PTPRG: variants seen among roughly 807,000 people sequenced by gnomAD.
The protein encoded by PTPRG is receptor-type tyrosine-protein phosphatase gamma.
In PTPRG, 102 loss-of-function variants were observed where a neutral mutation model predicts 165.3. The ratio of observed to expected loss-of-function variants is 0.62; its 90% confidence interval spans 0.53 to 0.73. The LOEUF (loss-of-function observed/expected upper bound fraction) is 0.73. Ranked by LOEUF, PTPRG falls within the 30% of genes least tolerant of loss-of-function variation. PTPRG has a pLI of 0.00. For missense variants in PTPRG, 1,866 were observed against 1,861.4 expected (o/e 1.00, Z -0.05); for synonymous variants, 675 against 669.5 (o/e 1.01, Z -0.13).
At chr3:61,596,396 T>C (rs550060787) in intron 1 of PTPRG, among the ~76,000 whole-genome samples, 1 of 152,226 alleles carries the variant, frequency 6.6e-6, no homozygotes, top group Non-Finnish European at 1.5e-5. Context: ...AAAACAGATT[T>C]CACTAGTGGT....
chr3:61,907,133 T>C (rs2038676482), intron 2 of PTPRG, among the ~76,000 whole-genome samples: 1 of 151,846 alleles, frequency 6.6e-6, no homozygotes. Context: ...CTTCCCCAAC[T>C]TCCCCCACCC....
chr3:61,857,100 T>A (rs1032178952), intron 2 of PTPRG, among the ~76,000 whole-genome samples: 1 of 152,134 alleles, frequency 6.6e-6, no homozygotes, highest in Non-Finnish European at 1.5e-5. Context: ...TTTTTTTTTT[T>A]ACCCCCTCTC....
intron 2 of PTPRG, among the ~76,000 whole-genome samples, chr3:61,784,945 C>T (rs927919916): frequency 6.6e-6 from 1 of 152,110 alleles, no homozygotes; most frequent in Non-Finnish European, 1.5e-5. Flanking sequence ...GATAACTCAG[C>T]TAATGAAATA....
chr3:61,749,660 T>A (rs2033354838), intron 2 of PTPRG: 1 of 154,368 alleles, frequency 6.5e-6, no homozygotes, highest in South Asian at 2.0e-4. Context: ...TCCCAAAATA[T>A]GAGAGGTGGA....
intron 25 of PTPRG, among the ~76,000 whole-genome samples, chr3:62,277,288 A>G (rs1702261620): frequency 6.6e-6 from 1 of 152,154 alleles, no homozygotes; most frequent in African/African-American, 2.4e-5. Flanking sequence ...AATTTCACAC[A>G]TCTAGTCTTT....
chr3:61,875,831 T>C (rs2037725029), intron 2 of PTPRG, among the ~76,000 whole-genome samples: 1 of 152,134 alleles, frequency 6.6e-6, no homozygotes, highest in African/African-American at 2.4e-5. Context: ...GGAATGAAGA[T>C]GAGGTATAGG....
chr3:62,250,119 TGA>T (rs1257560292), intron 15 of PTPRG, among the ~76,000 whole-genome samples: 1 of 152,206 alleles, frequency 6.6e-6, no homozygotes, highest in African/African-American at 2.4e-5. Flanking sequence ...TAACACTCTA[TGA>T]ATTATGAAAT....
chr3:61,813,878 A>G (rs1015740434), intron 2 of PTPRG, among the ~76,000 whole-genome samples: 1 of 145,480 alleles, frequency 6.9e-6, no homozygotes, highest in African/African-American at 2.6e-5. Context: ...CAGACATCTT[A>G]TGAGATACTG....
intron 2 of PTPRG, among the ~76,000 whole-genome samples, chr3:61,898,823 G>A (rs2038427673): frequency 6.6e-6 from 1 of 152,198 alleles, no homozygotes; most frequent in Admixed American, 6.5e-5. Flanking sequence ...TGATTCTGGG[G>A]TAAGATTAAT....
At chr3:61,952,239 A>AC (rs1450950476) in intron 2 of PTPRG, among the ~76,000 whole-genome samples, 10 of 151,832 alleles carry the variant, frequency 6.6e-5, no homozygotes, top group African/African-American at 2.4e-4. Flanking sequence ...GACTGTTAGG[A>AC]CCACTTTAGT....
intron 2 of PTPRG, among the ~76,000 whole-genome samples, chr3:61,972,188 C>T (rs1221727509): frequency 6.6e-6 from 1 of 152,158 alleles, no homozygotes; most frequent in Non-Finnish European, 1.5e-5. Flanking sequence ...ACTGAGTTGC[C>T]TGTTACTCTA....
rs200653144 is a variant in PTPRG, at chr3:62,012,520, G to GGATA, written c.519+9025_519+9028dup. 8.7e-3 allele frequency among the ~76,000 whole-genome samples: 1,328 copies of GGATA among 152,046 alleles called. 22 individuals are homozygous for GGATA. Among genetic ancestry groups the GGATA allele is most frequent in the African/African-American group, 0.03 (1,261 of 41,466 alleles). On this transcript the variant is annotated intron_variant, in intron 4 of 29. Transcript: ENST00000474889. ...ACTTATATATAATGAGGTTTCTTGG[G>GGATA]GATAGGATTCAAGTCTAAACACAGA... is the stretch of plus-strand genomic sequence containing the variant.
intron 2 of PTPRG, among the ~76,000 whole-genome samples, chr3:61,943,835 G>C (rs940910704): frequency 6.6e-6 from 1 of 152,176 alleles, no homozygotes; most frequent in African/African-American, 2.4e-5. Flanking sequence ...GATAACTGCT[G>C]CTTAACTAAT....
intron 2 of PTPRG, among the ~76,000 whole-genome samples, chr3:61,948,978 T>C (rs1382004155): frequency 1.3e-5 from 2 of 149,766 alleles, no homozygotes; most frequent in Non-Finnish European, 3.0e-5. Flanking sequence ...CTTTCAGTAA[T>C]CGAGCTCAAA....
rs1365752277 is a variant in PTPRG, at chr3:62,271,788, ATCT to A, written c.3182+238_3182+240del. ...TAGATCAATCCCTAGTTTTTATAAA[ATCT>A]TCTTATTAATAATATCAGCCAGGCA... On this transcript the variant is annotated intron_variant, in intron 21 of 29. Coordinates refer to ENST00000474889, the MANE Select transcript of PTPRG (RefSeq NM_002841.4). The surrounding 1 kb of genome is among the most constrained non-coding windows in gnomAD (Gnocchi z 4.1). Among the ~76,000 whole-genome samples the A allele has an allele frequency of 6.6e-6, 1 of 152,158 alleles. No individual in the cohort carries two copies. The highest frequency in any genetic ancestry group is 1.5e-5 in the Non-Finnish European group (1 of 68,024).
At chr3:61,688,822 G>A (rs2029956324) in intron 1 of PTPRG, among the ~76,000 whole-genome samples, 1 of 152,202 alleles carries the variant, frequency 6.6e-6, no homozygotes. Context: ...GGGTTGCCTT[G>A]TGTGAGCCTT....
chr3:61,934,896 A>T (rs1265349926), intron 2 of PTPRG, among the ~76,000 whole-genome samples: 1 of 152,182 alleles, frequency 6.6e-6, no homozygotes, highest in Non-Finnish European at 1.5e-5. Flanking sequence ...TGCTCAAATC[A>T]GTGGCTGGCA....
At chr3:62,129,377 T>C (rs559211590) in intron 5 of PTPRG, among the ~76,000 whole-genome samples, 4 of 152,302 alleles carry the variant, frequency 2.6e-5, no homozygotes, top group African/African-American at 9.6e-5. Flanking sequence ...TGTCGTAGTC[T>C]TTTTTGTGCT....
intron 4 of PTPRG, among the ~76,000 whole-genome samples, chr3:62,048,814 C>G (rs1367345200): frequency 6.6e-6 from 1 of 152,126 alleles, no homozygotes. Flanking sequence ...TGAACATATT[C>G]TTTTTCCCCT....
Sources: gnomAD v4.1 joint callset for allele counts (sites outside exome capture counted in the v4.1 genomes callset) on GRCh38, gnomAD v4.1.1 for gene constraint, Gnocchi (gnomAD v3.1) non-coding constraint, MANE v1.5 for transcripts, NCBI Gene and HGNC (gene_info 2026-07-23, HGNC 2026-07-21) for gene names.